The following TAF6 variants were observed in gnomAD, a reference collection of about 807,000 sequenced individuals.
TAF6 encodes transcription initiation factor TFIID subunit 6.
A neutral mutation model predicts 73.5 loss-of-function variants in TAF6; 50 were observed. The observed-to-expected ratio is 0.68, with a 90% CI of 0.54 to 0.86. The LOEUF (loss-of-function observed/expected upper bound fraction) is 0.86, where lower values mean the gene tolerates loss of function less well. Ranked by LOEUF, TAF6 falls within the 40% of genes least tolerant of loss-of-function variation. The pLI is 0.00. For missense variants in TAF6, 768 were observed against 899.5 expected (o/e 0.85, Z 1.87); for synonymous variants, 424 against 376.7 (o/e 1.13, Z -1.45).
In TAF6 at chr7:100,108,048, A is replaced by G; in HGVS notation, c.1534T>C (p.Ser512Pro). The G allele has an allele frequency of 6.2e-7, 1 of 1,613,406 alleles. No individual in the cohort carries two copies. The highest frequency in any genetic ancestry group is 8.5e-7 in the Non-Finnish European group (1 of 1,179,860). The part of the protein sequence containing the change: ...RTPGLLKVPG[S>P]IALPVQTLVS... Reference sequence around the variant, plus strand: ...AGTGTCTGGACAGGAAGTGCGATGGAGCCAGGAACCTTCAGCAAGCCAGGG... The same window carrying G: ...AGTGTCTGGACAGGAAGTGCGATGGGGCCAGGAACCTTCAGCAAGCCAGGG... Residue 512 changes from serine to proline, a missense_variant, in exon 14 of 15, where the codon TCC becomes CCC. Transcript: ENST00000453269.
chr7:100,122,721 C>T, upstream of TAF6: 1 of 1,566,120 alleles, frequency 6.4e-7, no homozygotes, highest in South Asian at 1.2e-5. Context: ...ACTGAAATGG[C>T]AGAAAGGGGA....
chr7:100,124,636 G>A (rs1380495967), upstream of TAF6: 1 of 1,612,830 alleles, frequency 6.2e-7, no homozygotes, highest in Non-Finnish European at 8.5e-7. Context: ...AAACTGGTAA[G>A]CGTAAGGGTT....
chr7:100,108,589 C>G (rs1479897129), intron 12 of TAF6, 49 bp from the exon 13 acceptor site: 1 of 1,550,788 alleles, frequency 6.4e-7, no homozygotes, highest in East Asian at 2.3e-5. Context: ...GGGAAAAAAG[C>G]CAGGTAGAGG....
chr7:100,107,606 G>C lies in TAF6; in HGVS notation c.1674C>G (p.Thr558=). The C allele has an allele frequency of 1.2e-6, 2 of 1,613,178 alleles. No homozygotes were observed. The highest frequency in any genetic ancestry group is 2.2e-5 in the South Asian group (2 of 91,052). Residue 558 remains threonine, a synonymous_variant, in exon 15 of 15, where the codon ACC becomes ACG. Transcript: ENST00000453269. Reference sequence around the variant, plus strand: ...TGGTGGAACCTGAGCCGGGGGCCGAGGTGCTGAGGGACAGGACCTGGATAG... The same window carrying C: ...TGGTGGAACCTGAGCCGGGGGCCGACGTGCTGAGGGACAGGACCTGGATAG... ...PSTQQVLSLS[T]SAPGSGSTTT... is the part of the protein sequence containing the mutation.
intron 13 of TAF6, 109 bp downstream of exon 13, chr7:100,108,255 GGTT>G: frequency 6.9e-7 from 1 of 1,455,988 alleles, no homozygotes; most frequent in Non-Finnish European, 9.1e-7. Context: ...CTCAGGGCCT[GGTT>G]GCCCTGAGAC....
upstream of TAF6, chr7:100,119,644 TG>T: frequency 6.2e-7 from 1 of 1,604,056 alleles, no homozygotes; most frequent in South Asian, 1.1e-5. Flanking sequence ...CTTCCTCGGC[TG>T]GATTTAAGGT....
At chr7:100,111,059 C>T in intron 10 of TAF6, 80 bp downstream of exon 10, 2 of 1,524,244 alleles carry the variant, frequency 1.3e-6, no homozygotes, top group Admixed American at 1.7e-5. Context: ...TTCCCTCTGC[C>T]CCCTTGTTTC....
the TAF6 span, chr7:100,127,127 C>A: frequency 2.0e-6 from 1 of 504,438 alleles, no homozygotes; most frequent in Non-Finnish European, 3.5e-6. This position sits in a 1 kb window ranked among gnomAD's most constrained non-coding sequence, Gnocchi z 4.6. Flanking sequence ...GGGTGACGGG[C>A]AAGGACGTAC....
chr7:100,122,449 C>T, upstream of TAF6: 1 of 1,614,062 alleles, frequency 6.2e-7, no homozygotes, highest in Non-Finnish European at 8.5e-7. Flanking sequence ...CCTACAGCAT[C>T]CAGGGAATCT....
upstream of TAF6, among the ~76,000 whole-genome samples, chr7:100,120,858 CT>C: frequency 6.6e-6 from 1 of 151,984 alleles, no homozygotes; most frequent in South Asian, 2.1e-4. Context: ...GCTTGTCATC[CT>C]TGGTTTATCT....
Position 100,119,233 on chromosome 7 carries a change from T to C in TAF6, c.-89A>G. The C allele has an allele frequency of 1.0e-6, 1 of 1,002,382 alleles. No homozygotes were observed. Among genetic ancestry groups the C allele is most frequent in the African/African-American group, 1.7e-5 (1 of 57,412 alleles). 62.1% of individuals were successfully genotyped at this position (1,002,382 alleles called of 1,614,324 possible). On this transcript the variant is annotated 5_prime_UTR_variant, in exon 1 of 15. Coordinates refer to ENST00000453269, the MANE Select transcript of TAF6 (RefSeq NM_139315.3). ...CTCTTTCCAGTCCCCACAAGGGACC[T>C]TCAAAGGGTCTCCTCCGGGGTACCA...
chr7:100,115,042 G>GCAGAGA (rs1345038732), intron 1 of TAF6, among the ~76,000 whole-genome samples: 2 of 152,078 alleles, frequency 1.3e-5, no homozygotes, highest in Admixed American at 6.5e-5. Flanking sequence ...AGGGGCAGGG[G>GCAGAGA]CAGAGACAGA....
intron 1 of TAF6, chr7:100,115,638 A>G (rs1323443319): frequency 6.6e-6 from 1 of 150,452 alleles, no homozygotes. Context: ...CTCCAGCCTC[A>G]GTGACAGATG....
chr7:100,111,468 T>C (rs1797175118), intron 9 of TAF6, 147 bp from the exon 10 acceptor site: 1 of 1,091,832 alleles, frequency 9.2e-7, no homozygotes, highest in Non-Finnish European at 1.3e-6. Flanking sequence ...TTCTCCCATC[T>C]CAGCCTCCCA....
upstream of TAF6, among the ~76,000 whole-genome samples, chr7:100,121,855 C>G (rs998644009): frequency 2.6e-5 from 4 of 150,950 alleles, no homozygotes; most frequent in African/African-American, 4.9e-5. Flanking sequence ...TCGAGACCAT[C>G]CTGGCTAACA....
At position 100,114,272 on chromosome 7, in the gene TAF6, G is replaced by C. The variant is rs1797489056; in HGVS notation, c.-59-4C>G. ...CCCCGGTGGAGAGACGGAGACCCTG[G>C]CAGAGGAACGGGGCAGGCAGAAGAA... is the stretch of plus-strand genomic sequence containing the variant. On this transcript the variant is annotated splice_polypyrimidine_tract_variant and splice_region_variant and intron_variant, in intron 1 of 14. Coordinates refer to ENST00000453269, the MANE Select transcript of TAF6 (RefSeq NM_139315.3). 1 of 1,612,560 alleles carries C rather than the reference G, an allele frequency of 6.2e-7. No homozygotes were observed. Among genetic ancestry groups the C allele is most frequent in the Non-Finnish European group, 8.5e-7 (1 of 1,179,954 alleles).
chr7:100,111,298 C>G lies in TAF6; in HGVS notation c.924G>C (p.Val308=). 6.2e-7 allele frequency: 1 copy of G among 1,614,002 alleles called. No homozygotes were observed. The highest frequency in any genetic ancestry group is 8.5e-7 in the Non-Finnish European group (1 of 1,179,860). The change falls in exon 10 of 15, where the codon GTG becomes GTC. Residue 308 remains valine (V), a synonymous_variant. Coordinates refer to ENST00000453269, the MANE Select transcript of TAF6 (RefSeq NM_139315.3). ...ACTGTCTGCTCACGATGCAGGTCAT[C>G]ACAGCTGGAATCAGCTCATGGACCT... The part of the protein sequence containing the change: ...EKYVHELIPA[V]MTCIVSRQLC...
chr7:100,127,109 C>G, the TAF6 span: 3 of 480,292 alleles, frequency 6.2e-6, no homozygotes, highest in East Asian at 1.2e-4. This position sits in a 1 kb window ranked among gnomAD's most constrained non-coding sequence, Gnocchi z 4.6. Context: ...TAAAGGATAG[C>G]CTTTGGAGGG....
At chr7:100,122,945 G>A (rs1212275934), upstream of TAF6, 1 of 1,579,890 alleles carries the variant, frequency 6.3e-7, no homozygotes, top group Admixed American at 1.8e-5. Context: ...AGGTGAGAAG[G>A]GAACCTGAGA....
Sources: allele counts gnomAD v4.1 joint callset (sites outside exome capture counted in the v4.1 genomes callset), GRCh38; gene constraint gnomAD v4.1.1; non-coding constraint Gnocchi (gnomAD v3.1); transcripts MANE v1.5; gene names NCBI Gene and HGNC (gene_info 2026-07-23, HGNC 2026-07-21).